Variants in ANKIB1 observed in about 807,000 individuals in gnomAD.
ANKIB1 encodes the protein ankyrin repeat and IBR domain containing 1.
In ANKIB1, 43 loss-of-function variants were observed where a neutral mutation model predicts 122.1. The observed-to-expected ratio is 0.35, with a 90% CI of 0.28 to 0.45. ANKIB1 has a LOEUF of 0.45. Among genes scored for constraint, ANKIB1 ranks in the 20% least tolerant of loss-of-function variants. The pLI is 1.00. For synonymous variants in ANKIB1, 390 were observed against 442.0 expected, an observed-to-expected ratio of 0.88 and a Z score of 1.48; for missense variants, 992 against 1,329.5, an observed-to-expected ratio of 0.75 and a Z score of 3.95.
intron 5 of ANKIB1, among the ~76,000 whole-genome samples, chr7:92,341,710 A>G (rs1040101729): frequency 1.3e-5 from 2 of 152,224 alleles, no homozygotes; most frequent in African/African-American, 4.8e-5. Flanking sequence ...AAAACTCTGT[A>G]TATACACAGA....
intron 11 of ANKIB1, among the ~76,000 whole-genome samples, chr7:92,381,761 C>A (rs1470179425): frequency 6.6e-6 from 1 of 152,142 alleles, no homozygotes; most frequent in Admixed American, 6.5e-5. Flanking sequence ...TGGAAAGGAA[C>A]AACTGGTACC....
chr7:92,361,462 T>C (rs367684650), intron 9 of ANKIB1, among the ~76,000 whole-genome samples: 3 of 152,206 alleles, frequency 2.0e-5, no homozygotes, highest in East Asian at 3.8e-4. Context: ...GATTCTAATC[T>C]GTAAATCACA....
At chr7:92,292,628 G>A (rs1162667639) in intron 1 of ANKIB1, among the ~76,000 whole-genome samples, 4 of 152,146 alleles carry the variant, frequency 2.6e-5, no homozygotes, top group African/African-American at 9.7e-5. Flanking sequence ...AGTATATTGT[G>A]TATAGTATGG....
intron 2 of ANKIB1, 127 bp downstream of exon 2, chr7:92,295,293 A>G: frequency 1.8e-6 from 1 of 546,524 alleles, no homozygotes; most frequent in Non-Finnish European, 2.8e-6. Flanking sequence ...ATATATACAA[A>G]CATGTACATG....
chr7:92,392,814 G>T (rs1350504846), intron 17 of ANKIB1, among the ~76,000 whole-genome samples: 2 of 151,734 alleles, frequency 1.3e-5, no homozygotes, highest in East Asian at 1.9e-4. Flanking sequence ...TTGTTTTTTT[G>T]TTGTCATTAT....
intron 2 of ANKIB1, among the ~76,000 whole-genome samples, chr7:92,301,874 A>C (rs1405959115): frequency 2.0e-5 from 3 of 152,012 alleles, no homozygotes; most frequent in Non-Finnish European, 4.4e-5. Context: ...ATGCTGCCTC[A>C]TATAATCTGG....
Position 92,342,970 on chromosome 7 carries a change from A to G in ANKIB1, c.788-54A>G. ...ATATTTTTGTTATTATATAGCTTTTATAACATTACCATATTTTCTTTTTTG... is the reference window on the plus strand; with the variant it reads ...ATATTTTTGTTATTATATAGCTTTTGTAACATTACCATATTTTCTTTTTTG... On this transcript the variant is annotated intron_variant, in intron 5 of 19. Transcript: ENST00000265742. The G allele has an allele frequency of 5.3e-6, 8 of 1,521,996 alleles. No homozygotes were observed. The South Asian group carries it at 7.9e-5, about 15-fold the overall frequency. 94.3% of individuals were successfully genotyped at this position (1,521,996 alleles called of 1,614,324 possible).
At chr7:92,260,233 A>G (rs956456903) in intron 1 of ANKIB1, among the ~76,000 whole-genome samples, 2 of 151,600 alleles carry the variant, frequency 1.3e-5, no homozygotes, top group Non-Finnish European at 2.9e-5. Context: ...TTTCTTCCTT[A>G]CTCTCTATGC....
At chr7:92,247,054 T>C (rs568918799) in intron 1 of ANKIB1, among the ~76,000 whole-genome samples, 53 of 152,328 alleles carry the variant, frequency 3.5e-4, no homozygotes, top group African/African-American at 1.1e-3. Flanking sequence ...GAGCTGTTTT[T>C]CTGTACGTAG....
At position 92,354,999 on chromosome 7, in the gene ANKIB1, T is replaced by C. The variant is rs538710024; in HGVS notation, c.1397+2357T>C. Reference sequence around the variant, plus strand: ...ATATATGACAGAAACAGTTGAGCCATACCCAGGAGATATCTGCATAGATAT... The same window carrying C: ...ATATATGACAGAAACAGTTGAGCCACACCCAGGAGATATCTGCATAGATAT... On this transcript the variant is annotated intron_variant, in intron 9 of 19. Transcript: ENST00000265742. Among the ~76,000 whole-genome samples, 271 of 152,324 alleles carry C rather than the reference T, an allele frequency of 1.8e-3. 1 individual carries two copies. Among genetic ancestry groups the C allele is most frequent in the African/African-American group, 6.1e-3 (253 of 41,570 alleles).
intron 19 of ANKIB1, 98 bp from the exon 20 acceptor site, chr7:92,398,110 AAATT>A: frequency 7.9e-7 from 1 of 1,271,624 alleles, no homozygotes; most frequent in African/African-American, 1.5e-5. Flanking sequence ...TGTATAAATA[AAATT>A]AATAATCTGT....
At chr7:92,326,295 A>G (rs1017964058) in intron 4 of ANKIB1, among the ~76,000 whole-genome samples, 1 of 152,198 alleles carries the variant, frequency 6.6e-6, no homozygotes, top group African/African-American at 2.4e-5. Context: ...CACATATATC[A>G]TGTCAGAACT....
chr7:92,310,770 A>G (rs1020982262), intron 3 of ANKIB1, among the ~76,000 whole-genome samples: 2 of 152,210 alleles, frequency 1.3e-5, no homozygotes, highest in African/African-American at 4.8e-5. Flanking sequence ...GGGAATAATG[A>G]CAAGAAAAAA....
At position 92,246,821 on chromosome 7, in the gene ANKIB1, C is replaced by T. The variant is rs1019504342; in HGVS notation, c.-91+302C>T. On this transcript the variant is annotated intron_variant, in intron 1 of 19. Coordinates refer to ENST00000265742, the MANE Select transcript of ANKIB1 (RefSeq NM_019004.2). ...AAGGATCTGTGTCCTTCCTCGCAGC[C>T]TCCCCCCCACCCCCATCCTTTGAGA... Among the ~76,000 whole-genome samples the T allele has an allele frequency of 2.6e-5, 4 of 152,198 alleles. No individual in the cohort carries two copies. The South Asian group carries it at 6.2e-4, about 24-fold the overall frequency.
At chr7:92,340,058 G>T (rs938504647) in intron 5 of ANKIB1, among the ~76,000 whole-genome samples, 1 of 151,526 alleles carries the variant, frequency 6.6e-6, no homozygotes, top group East Asian at 1.9e-4. Flanking sequence ...ACATTAATTT[G>T]TGTCTCAAAT....
chr7:92,319,717 G>GCCTC, intron 4 of ANKIB1: 1 of 526,488 alleles, frequency 1.9e-6, no homozygotes, highest in Non-Finnish European at 3.2e-6. Context: ...GCTTTGGGAG[G>GCCTC]CCAAGGCACC....
intron 1 of ANKIB1, among the ~76,000 whole-genome samples, chr7:92,247,089 A>G (rs1490116124): frequency 6.6e-6 from 1 of 152,148 alleles, no homozygotes; most frequent in Non-Finnish European, 1.5e-5. Context: ...GGAAATTGAA[A>G]CTAGAGCTGT....
chr7:92,264,502 A>G (rs1801629502), intron 1 of ANKIB1, among the ~76,000 whole-genome samples: 6 of 152,020 alleles, frequency 3.9e-5, no homozygotes. Flanking sequence ...GCTTTAAGCA[A>G]TTCTTGTGCC....
chr7:92,360,937 T>C (rs1200618074), intron 9 of ANKIB1, among the ~76,000 whole-genome samples: 4 of 152,094 alleles, frequency 2.6e-5, no homozygotes, highest in Non-Finnish European at 5.9e-5. Context: ...TGATGTCAGC[T>C]CACTGCAGCC....
Sources: allele counts gnomAD v4.1 joint callset (sites outside exome capture counted in the v4.1 genomes callset), GRCh38; gene constraint gnomAD v4.1.1; transcripts MANE v1.5; gene names NCBI Gene and HGNC (gene_info 2026-07-23, HGNC 2026-07-21).